Variants in LGSN observed in about 807,000 individuals in gnomAD.
The protein encoded by LGSN is lengsin, lens protein with glutamine synthetase domain, also known as lengsin.
Under a neutral mutation model 19.5 loss-of-function variants are expected in LGSN, and 21 were observed. The observed-to-expected ratio is 1.07, with a 90% CI of 0.76 to 1.55. The LOEUF (loss-of-function observed/expected upper bound fraction) is 1.55, where lower values mean the gene tolerates loss of function less well. Ranked by LOEUF, LGSN falls within the 40% of genes most tolerant of loss-of-function variation. The pLI is 0.00. For missense variants in LGSN, 673 were observed against 608.5 expected (o/e 1.11, Z -1.12); for synonymous variants, 257 against 215.6 (o/e 1.19, Z -1.68).
chr6:63,514,222 C>G, the LGSN span, among the ~76,000 whole-genome samples: 1 of 151,734 alleles, frequency 6.6e-6, no homozygotes, highest in Non-Finnish European at 1.5e-5. Flanking sequence ...TTCCCTTTGG[C>G]TTTTTTTTGT....
At chr6:63,548,843 G>A in the LGSN span, 2 of 758,600 alleles carry the variant, frequency 2.6e-6, no homozygotes, top group Non-Finnish European at 2.4e-6. Flanking sequence ...AGTCAGTCCT[G>A]ATAGCTCCCA....
At chr6:63,396,958 A>C in the LGSN span, 1 of 152,470 alleles carries the variant, frequency 6.6e-6, no homozygotes, top group Non-Finnish European at 1.5e-5. Flanking sequence ...TAGACCCTCA[A>C]GGAGCACCTC....
chr6:63,495,838 C>T, the LGSN span, among the ~76,000 whole-genome samples: 1 of 152,046 alleles, frequency 6.6e-6, no homozygotes, highest in Non-Finnish European at 1.5e-5. Flanking sequence ...AAAATGCATA[C>T]TAATTCTTAT....
the LGSN span, among the ~76,000 whole-genome samples, chr6:63,536,262 G>A: frequency 6.6e-6 from 1 of 152,098 alleles, no homozygotes; most frequent in Non-Finnish European, 1.5e-5. Context: ...CCTGGGAGGC[G>A]TAGGTTGCAG....
At chr6:63,467,286 A>C in the LGSN span, among the ~76,000 whole-genome samples, 1 of 151,380 alleles carries the variant, frequency 6.6e-6, no homozygotes, top group African/African-American at 2.5e-5. Flanking sequence ...TACAAAAAAA[A>C]AATCTGAGTC....
At chr6:63,462,062 A>G in the LGSN span, among the ~76,000 whole-genome samples, 6 of 152,204 alleles carry the variant, frequency 3.9e-5, no homozygotes, top group South Asian at 2.1e-4. Context: ...TGCAAGCTTC[A>G]GAATTCTTTC....
chr6:63,442,742 C>T, the LGSN span, among the ~76,000 whole-genome samples: 1 of 152,058 alleles, frequency 6.6e-6, no homozygotes, highest in Non-Finnish European at 1.5e-5. Context: ...AAAAGTTCTC[C>T]AAGTCCCCAC....
the LGSN span, among the ~76,000 whole-genome samples, chr6:63,367,686 C>T: frequency 4.2e-5 from 6 of 144,026 alleles, 2 homozygotes; most frequent in African/African-American, 1.7e-4. Context: ...GTCTTGGAAC[C>T]AGCCCAAATG....
At chr6:63,334,540 G>A in the LGSN span, among the ~76,000 whole-genome samples, 3 of 152,212 alleles carry the variant, frequency 2.0e-5, no homozygotes, top group East Asian at 3.9e-4. Context: ...ACTGCCCAAA[G>A]CAATCTACAT....
At chr6:63,294,357 A>T (rs1562010280) in intron 2 of LGSN, among the ~76,000 whole-genome samples, 1 of 151,958 alleles carries the variant, frequency 6.6e-6, no homozygotes, top group East Asian at 1.9e-4. Context: ...TAATTAATTA[A>T]AAATAAATAA....
chr6:63,463,762 C>T, the LGSN span, among the ~76,000 whole-genome samples: 2 of 152,086 alleles, frequency 1.3e-5, no homozygotes, highest in South Asian at 4.2e-4. Context: ...TAGTTAATGA[C>T]ATATGTGTTG....
At chr6:63,293,088 C>G (rs751672472) in intron 2 of LGSN, among the ~76,000 whole-genome samples, 1 of 152,158 alleles carries the variant, frequency 6.6e-6, no homozygotes, top group African/African-American at 2.4e-5. Flanking sequence ...TCACCTCAAC[C>G]TCCTGGGCTC....
At chr6:63,482,159 T>C in the LGSN span, among the ~76,000 whole-genome samples, 2 of 152,136 alleles carry the variant, frequency 1.3e-5, no homozygotes, top group African/African-American at 4.8e-5. Flanking sequence ...TTTTTTTTTA[T>C]TTAAATGTAT....
the LGSN span, among the ~76,000 whole-genome samples, chr6:63,384,493 G>A: frequency 8.3e-6 from 1 of 120,038 alleles, no homozygotes; most frequent in East Asian, 2.2e-4. Context: ...AACACCTTGT[G>A]TGTGTGTGTG....
the LGSN span, among the ~76,000 whole-genome samples, chr6:63,465,256 C>T: frequency 6.6e-6 from 1 of 152,080 alleles, no homozygotes; most frequent in African/African-American, 2.4e-5. Flanking sequence ...TCTCGGCTCG[C>T]TGCAACCTCC....
chr6:63,569,388 C>G, the LGSN span, among the ~76,000 whole-genome samples: 1 of 152,208 alleles, frequency 6.6e-6, no homozygotes, highest in Admixed American at 6.5e-5. Flanking sequence ...TCCCAAGTAA[C>G]TGGGATTAGA....
chr6:63,526,833 A>ATATATATATATATATATATT, the LGSN span, among the ~76,000 whole-genome samples: 4 of 128,028 alleles, frequency 3.1e-5, no homozygotes, highest in African/African-American at 9.7e-5. Context: ...ATATATATAT[A>ATATATATATATATATATATT]TATTTATTTA....
intron 1 of LGSN, among the ~76,000 whole-genome samples, chr6:63,316,076 G>A (rs1194316746): frequency 6.6e-6 from 1 of 152,064 alleles, no homozygotes; most frequent in Non-Finnish European, 1.5e-5. Context: ...CATTTGTGGG[G>A]AGATTAGCCA....
the LGSN span, among the ~76,000 whole-genome samples, chr6:63,483,591 G>A: frequency 6.6e-6 from 1 of 152,010 alleles, no homozygotes; most frequent in Non-Finnish European, 1.5e-5. Flanking sequence ...TTACAGGCAT[G>A]AGCAACTGTG....
Sources: allele counts gnomAD v4.1 joint callset (sites outside exome capture counted in the v4.1 genomes callset), GRCh38; gene constraint gnomAD v4.1.1; transcripts MANE v1.5; gene names NCBI Gene and HGNC (gene_info 2026-07-23, HGNC 2026-07-21).